The following GRIP1 variants were observed in gnomAD, a reference collection of about 807,000 sequenced individuals.
GRIP1 encodes glutamate receptor interacting protein 1.
GRIP1 carries 45 observed loss-of-function variants against 129.9 expected under a neutral mutation model. The ratio of observed to expected loss-of-function variants is 0.35; its 90% CI spans 0.27 to 0.44. GRIP1 has a LOEUF of 0.44. Ranked by LOEUF, GRIP1 falls within the 20% of genes least tolerant of loss-of-function variation. The pLI, the probability that GRIP1 is intolerant of heterozygous loss-of-function variation, is 1.00. For synonymous variants in GRIP1, 530 were observed against 520.8 expected, an observed-to-expected ratio of 1.02 and a Z score of -0.24; for missense variants, 1,196 against 1,396.8, an observed-to-expected ratio of 0.86 and a Z score of 2.29.
In GRIP1 at chr12:66,465,431, G is replaced by T. The variant is rs1296009439; in HGVS notation, c.725-9C>A. The T allele has an allele frequency of 6.8e-6, 11 of 1,611,440 alleles. No homozygotes were observed. Among genetic ancestry groups the T allele is most frequent in the Admixed American group, 5.0e-5 (3 of 59,960 alleles). On this transcript the variant is annotated splice_polypyrimidine_tract_variant and intron_variant, in intron 7 of 24. Coordinates refer to ENST00000359742, the MANE Select transcript of GRIP1 (RefSeq NM_001366722.1). Reference sequence around the variant, plus strand: ...TGCTGTTGCCACAGAGTCTGTCAAAGAACAAATTTTAGAAAACAAAACAAA... The same window carrying T: ...TGCTGTTGCCACAGAGTCTGTCAAATAACAAATTTTAGAAAACAAAACAAA...
At chr12:67,068,206 T>C (rs1196372458) in intron 1 of GRIP1, among the ~76,000 whole-genome samples, 1 of 152,090 alleles carries the variant, frequency 6.6e-6, no homozygotes, top group Non-Finnish European at 1.5e-5. Flanking sequence ...TCAACAGAAC[T>C]AAGCCTTGAA....
chr12:66,798,129 C>T (rs956146681), intron 1 of GRIP1, among the ~76,000 whole-genome samples: 2 of 152,084 alleles, frequency 1.3e-5, no homozygotes, highest in Non-Finnish European at 2.9e-5. Flanking sequence ...CTAGAATATG[C>T]TTTTTATTAA....
Position 66,444,589 on chromosome 12 carries a change from AC to A in GRIP1, c.1681del (p.Val561LeufsTer14). ...SKVTLEIEFD[V>X]AESVIPSSGT... is the part of the protein sequence containing the mutation. ...CTGAGATGATATGATTATACCTGCAACATCAAACTCGATTTCCAGTGTGACC... is the reference window on the plus strand; with the variant it reads ...CTGAGATGATATGATTATACCTGCAAATCAAACTCGATTTCCAGTGTGACC... On this transcript the variant is annotated frameshift_variant, in exon 13 of 25. Coordinates refer to ENST00000359742, the MANE Select transcript of GRIP1 (RefSeq NM_001366722.1). LOFTEE classifies it high-confidence loss of function. 1 of 1,613,896 alleles carries A rather than the reference AC, an allele frequency of 6.2e-7. No homozygotes were observed. Among genetic ancestry groups the A allele is most frequent in the Non-Finnish European group, 8.5e-7 (1 of 1,179,834 alleles).
chr12:66,876,861 A>C (rs1234695435), intron 1 of GRIP1, among the ~76,000 whole-genome samples: 1 of 152,192 alleles, frequency 6.6e-6, no homozygotes, highest in East Asian at 1.9e-4. Context: ...GTTCTGCATG[A>C]TTTACCAGAT....
At chr12:66,727,658 T>C (rs1477010899) in intron 1 of GRIP1, among the ~76,000 whole-genome samples, 3 of 152,184 alleles carry the variant, frequency 2.0e-5, no homozygotes, top group African/African-American at 7.2e-5. Context: ...ATTAGAATAT[T>C]TTTATTTTAC....
chr12:66,362,946 G>A (rs1592692306), intron 23 of GRIP1, among the ~76,000 whole-genome samples: 2 of 151,566 alleles, frequency 1.3e-5, no homozygotes, highest in Middle Eastern at 6.8e-3. Flanking sequence ...AATTCTGTCT[G>A]GTAGAGATGC....
At chr12:66,376,180 C>T (rs934105271) in intron 22 of GRIP1, among the ~76,000 whole-genome samples, 1 of 152,196 alleles carries the variant, frequency 6.6e-6, no homozygotes, top group Admixed American at 6.5e-5. Context: ...CAAGTTCAAA[C>T]TAATAGTTTT....
chr12:66,433,235 T>A (rs566581433), intron 13 of GRIP1, among the ~76,000 whole-genome samples: 1 of 151,958 alleles, frequency 6.6e-6, no homozygotes, highest in Non-Finnish European at 1.5e-5. Context: ...ATTAAAGAGG[T>A]AGAATCAGGA....
chr12:66,893,533 A>C (rs10748062), intron 1 of GRIP1, among the ~76,000 whole-genome samples: 1 of 152,220 alleles, frequency 6.6e-6, no homozygotes. Flanking sequence ...CCACTGCACA[A>C]GGCTGTTTTT....
chr12:66,435,360 G>A (rs1447547895), intron 13 of GRIP1, among the ~76,000 whole-genome samples: 3 of 151,896 alleles, frequency 2.0e-5, no homozygotes, highest in South Asian at 2.1e-4. Context: ...CTGCCATCAC[G>A]CCCAGCTAAT....
chr12:66,883,666 T>C (rs948859213), intron 1 of GRIP1, among the ~76,000 whole-genome samples: 1 of 152,170 alleles, frequency 6.6e-6, no homozygotes, highest in African/African-American at 2.4e-5. Flanking sequence ...TGAACATACG[T>C]CCTGGTTTGC....
At chr12:66,415,866 C>T (rs572001179) in intron 15 of GRIP1, among the ~76,000 whole-genome samples, 11 of 152,150 alleles carry the variant, frequency 7.2e-5, no homozygotes, top group African/African-American at 1.9e-4. Context: ...GGGAGCTGAA[C>T]GATGAGGACA....
At chr12:66,590,857 C>T (rs1034890254) in intron 2 of GRIP1, among the ~76,000 whole-genome samples, 10 of 152,184 alleles carry the variant, frequency 6.6e-5, no homozygotes, top group Admixed American at 2.0e-4. Flanking sequence ...TGAGAATCTG[C>T]TGCAGCATAC....
chr12:66,493,591 G>C (rs981882145), intron 7 of GRIP1, among the ~76,000 whole-genome samples: 2 of 142,212 alleles, frequency 1.4e-5, no homozygotes, highest in African/African-American at 5.4e-5. Flanking sequence ...TACTGTAAAA[G>C]ACCAAGGTAG....
intron 1 of GRIP1, among the ~76,000 whole-genome samples, chr12:66,988,851 A>T (rs1049090153): frequency 1.3e-5 from 2 of 152,206 alleles, no homozygotes; most frequent in African/African-American, 4.8e-5. Flanking sequence ...GAATGATTTG[A>T]TGGCTTTATA....
At chr12:66,914,141 C>T (rs1289929744) in intron 1 of GRIP1, among the ~76,000 whole-genome samples, 1 of 152,136 alleles carries the variant, frequency 6.6e-6, no homozygotes, top group East Asian at 1.9e-4. Context: ...ATTTTAACCA[C>T]TTTTCTCACG....
At chr12:66,626,435 T>C (rs551439580) in intron 1 of GRIP1, among the ~76,000 whole-genome samples, 1 of 152,092 alleles carries the variant, frequency 6.6e-6, no homozygotes, top group African/African-American at 2.4e-5. Context: ...CTAAAGTACA[T>C]ATTATCTTCT....
At chr12:66,898,265 C>T (rs2040785631) in intron 1 of GRIP1, among the ~76,000 whole-genome samples, 1 of 152,138 alleles carries the variant, frequency 6.6e-6, no homozygotes, top group South Asian at 2.1e-4. Context: ...CTGGTTATAG[C>T]TTATGGCATT....
At chr12:66,850,261 G>A (rs1592901306) in intron 1 of GRIP1, among the ~76,000 whole-genome samples, 1 of 152,096 alleles carries the variant, frequency 6.6e-6, no homozygotes, top group Non-Finnish European at 1.5e-5. Context: ...ACACCCCTGG[G>A]CAATCATGAA....
Sources: gnomAD v4.1 joint callset for allele counts (sites outside exome capture counted in the v4.1 genomes callset) on GRCh38, gnomAD v4.1.1 for gene constraint, MANE v1.5 for transcripts, NCBI Gene and HGNC (gene_info 2026-07-23, HGNC 2026-07-21) for gene names.